Variants in PHKB observed in about 807,000 individuals in gnomAD.
PHKB encodes the protein phosphorylase b kinase regulatory subunit beta.
A neutral mutation model predicts 152.1 loss-of-function variants in PHKB; 122 were observed. The ratio of observed to expected loss-of-function variants is 0.80; its 90% CI spans 0.69 to 0.93. The LOEUF (loss-of-function observed/expected upper bound fraction) is 0.93. PHKB is among the 40% of genes least tolerant of loss of function. The pLI, the probability that PHKB is intolerant of heterozygous loss-of-function variation, is 0.00. For missense variants in PHKB, 1,304 were observed against 1,328.4 expected (o/e 0.98, Z 0.29); for synonymous variants, 436 against 464.9 (o/e 0.94, Z 0.80).
chr16:47,483,236 C>G (rs995254577), intron 1 of PHKB, among the ~76,000 whole-genome samples: 1 of 151,236 alleles, frequency 6.6e-6, no homozygotes, highest in Non-Finnish European at 1.5e-5. Flanking sequence ...TTAGTAGAGA[C>G]GCGGTTTCAC....
In PHKB at chr16:47,660,852, G is replaced by A. The variant is rs545250359; in HGVS notation, c.2196+33G>A. 5.6e-6 allele frequency: 9 copies of A among 1,610,386 alleles called. No individual in the cohort carries two copies. The East Asian group carries it at 2.0e-4, about 36-fold the overall frequency. On this transcript the variant is annotated intron_variant, in intron 22 of 30. Coordinates refer to ENST00000323584, the MANE Select transcript of PHKB (RefSeq NM_000293.3). ...AGATGCACTTCCCACATGGCCCTAA[G>A]TGAGGTTGCTGGAGCAGAAGCTCCC...
At chr16:47,614,083 GA>G in intron 14 of PHKB, among the ~76,000 whole-genome samples, 1 of 152,320 alleles carries the variant, frequency 6.6e-6, no homozygotes, top group East Asian at 1.9e-4. Flanking sequence ...GGCTGTACAG[GA>G]AGCATAGCAG....
At chr16:47,473,860 A>G (rs747451854) in intron 1 of PHKB, among the ~76,000 whole-genome samples, 4 of 152,114 alleles carry the variant, frequency 2.6e-5, no homozygotes, top group Non-Finnish European at 5.9e-5. Flanking sequence ...CATACTTACT[A>G]TTTTTTCGTA....
At chr16:47,694,212 T>C (rs145718154) in intron 28 of PHKB, among the ~76,000 whole-genome samples, 17 of 152,342 alleles carry the variant, frequency 1.1e-4, no homozygotes, top group African/African-American at 4.1e-4. Context: ...TCCCATGTGA[T>C]ATACACTGGC....
At chr16:47,539,348 A>G (rs1196780146) in intron 6 of PHKB, among the ~76,000 whole-genome samples, 3 of 152,184 alleles carry the variant, frequency 2.0e-5, no homozygotes. Flanking sequence ...CTGGCACTTT[A>G]CAGAACAGAT....
intron 6 of PHKB, among the ~76,000 whole-genome samples, chr16:47,526,137 C>T (rs568352462): frequency 3.9e-5 from 6 of 152,164 alleles, no homozygotes; most frequent in Admixed American, 2.6e-4. Context: ...CATCTGGGTG[C>T]GGTGGCTCAT....
At chr16:47,618,112 C>T (rs2151713256) in intron 14 of PHKB, among the ~76,000 whole-genome samples, 1 of 152,350 alleles carries the variant, frequency 6.6e-6, no homozygotes, top group African/African-American at 2.4e-5. Flanking sequence ...AGCTCCCATA[C>T]CTGCTGCAGC....
intron 6 of PHKB, among the ~76,000 whole-genome samples, chr16:47,523,660 G>A (rs1288648998): frequency 6.6e-6 from 1 of 152,202 alleles, no homozygotes; most frequent in Non-Finnish European, 1.5e-5. Flanking sequence ...TGACTTTCCA[G>A]GAATATGTTG....
intron 5 of PHKB, among the ~76,000 whole-genome samples, chr16:47,512,651 CTG>C (rs1970529940): frequency 6.6e-6 from 1 of 152,098 alleles, no homozygotes; most frequent in Non-Finnish European, 1.5e-5. Context: ...TTAGAACACA[CTG>C]GAGGTTTTAG....
In PHKB at chr16:47,547,485, C is replaced by T. The variant is rs1202767073; in HGVS notation, c.647C>T (p.Pro216Leu). 6.2e-7 allele frequency: 1 copy of T among 1,613,232 alleles called. No homozygotes were observed. The highest frequency in any genetic ancestry group is 1.7e-5 in the Admixed American group (1 of 59,994). ...VFCVERVYRV[P>L]DFGVWERGSK... Reference sequence around the variant, plus strand: ...TGTGTGGAAAGAGTTTACCGTGTGCCTGACTTTGGTGTCTGGGAAAGAGGA... The same window carrying T: ...TGTGTGGAAAGAGTTTACCGTGTGCTTGACTTTGGTGTCTGGGAAAGAGGA... Residue 216 changes from proline to leucine, a missense_variant, in exon 7 of 31, where the codon CCT (proline) becomes CTT (leucine). Coordinates refer to ENST00000323584, the MANE Select transcript of PHKB (RefSeq NM_000293.3).
At chr16:47,576,575 A>C (rs771168611) in intron 7 of PHKB, among the ~76,000 whole-genome samples, 62 of 152,236 alleles carry the variant, frequency 4.1e-4, no homozygotes, top group Non-Finnish European at 8.1e-4. Context: ...GCAAGTATCC[A>C]ACTATAACTG....
intron 6 of PHKB, among the ~76,000 whole-genome samples, chr16:47,544,334 T>C (rs1971119250): frequency 6.6e-6 from 1 of 152,210 alleles, no homozygotes; most frequent in African/African-American, 2.4e-5. Context: ...TCTGCCTTCA[T>C]TTCGTTATGT....
chr16:47,555,839 G>A (rs922058320), intron 7 of PHKB, among the ~76,000 whole-genome samples: 15 of 152,136 alleles, frequency 9.9e-5, no homozygotes, highest in African/African-American at 3.4e-4. Flanking sequence ...GATGGGGATG[G>A]CATTGAATCT....
intron 7 of PHKB, among the ~76,000 whole-genome samples, chr16:47,570,353 C>T (rs1270669167): frequency 2.0e-5 from 3 of 152,188 alleles, no homozygotes; most frequent in Non-Finnish European, 4.4e-5. Context: ...AAGTTTTTGT[C>T]AGTTATTCCT....
At chr16:47,467,368 T>G (rs1272550989) in intron 1 of PHKB, among the ~76,000 whole-genome samples, 2 of 152,232 alleles carry the variant, frequency 1.3e-5, no homozygotes, top group East Asian at 3.8e-4. Flanking sequence ...TTAGCTTTTA[T>G]TTTACTCTAC....
chr16:47,579,745 A>G (rs1166561452), intron 7 of PHKB, among the ~76,000 whole-genome samples: 2 of 152,170 alleles, frequency 1.3e-5, no homozygotes, highest in Admixed American at 6.5e-5. Context: ...AAAGGGAAGA[A>G]TATAGCAAAA....
intron 1 of PHKB, among the ~76,000 whole-genome samples, chr16:47,475,572 A>T (rs1291408727): frequency 6.6e-6 from 1 of 152,212 alleles, no homozygotes. Context: ...TGAGAAACCC[A>T]GATGGAACTC....
At chr16:47,634,927 G>A (rs992439165) in intron 14 of PHKB, among the ~76,000 whole-genome samples, 1 of 152,078 alleles carries the variant, frequency 6.6e-6, no homozygotes, top group Non-Finnish European at 1.5e-5. Context: ...TGTGTGGGTG[G>A]GGTGGAGTAG....
At chr16:47,517,857 A>G (rs1970623716) in intron 6 of PHKB, among the ~76,000 whole-genome samples, 3 of 152,188 alleles carry the variant, frequency 2.0e-5, no homozygotes, top group African/African-American at 4.8e-5. Flanking sequence ...TTCAATATGT[A>G]CACTTAAAAA....
Sources: gnomAD v4.1 joint callset for allele counts (sites outside exome capture counted in the v4.1 genomes callset) on GRCh38, gnomAD v4.1.1 for gene constraint, MANE v1.5 for transcripts, NCBI Gene and HGNC (gene_info 2026-07-23, HGNC 2026-07-21) for gene names.